ZMYM2: variants seen among roughly 807,000 people sequenced by gnomAD.
ZMYM2 encodes the protein zinc finger MYM-type protein 2.
ZMYM2 carries 56 observed loss-of-function variants against 162.8 expected under a neutral mutation model. That is an observed-to-expected ratio of 0.34 (90% CI 0.28 to 0.43). The LOEUF (loss-of-function observed/expected upper bound fraction) is 0.43. ZMYM2 is among the 20% of genes least tolerant of loss of function. ZMYM2 has a pLI of 1.00. For missense variants in ZMYM2, 1,275 were observed against 1,621.8 expected (o/e 0.79, Z 3.67); for synonymous variants, 510 against 541.6 (o/e 0.94, Z 0.81).
At chr13:19,873,853 C>T in the ZMYM2 span, among the ~76,000 whole-genome samples, 2 of 152,240 alleles carry the variant, frequency 1.3e-5, no homozygotes, top group East Asian at 1.9e-4. Context: ...TCACCCCATA[C>T]TCATCTGGGC....
chr13:20,004,268 T>TTTTG (rs1566271660), intron 4 of ZMYM2, among the ~76,000 whole-genome samples: 7 of 149,092 alleles, frequency 4.7e-5, no homozygotes, highest in Admixed American at 3.3e-4. Flanking sequence ...GTTTTGTTTT[T>TTTTG]TTTTGAGACG....
At chr13:20,051,319 C>A in intron 12 of ZMYM2, 114 bp from the exon 13 acceptor site, 168 of 592,012 alleles carry the variant, frequency 2.8e-4, no homozygotes, top group Middle Eastern at 8.4e-4. Context: ...TATTATAGTT[C>A]TACTTTTTCT....
Position 19,993,538 on chromosome 13 carries a change from T to C in ZMYM2, c.466T>C (p.Ser156Pro). 6.2e-7 allele frequency: 1 copy of C among 1,614,028 alleles called. No individual in the cohort carries two copies. Among genetic ancestry groups the C allele is most frequent in the Non-Finnish European group, 8.5e-7 (1 of 1,179,972 alleles). ...AAACAGAACCAATGATGTGGATTTC[T>C]CCACTTCCAGTTTTTCAAGAAGTAA... The part of the protein sequence containing the change: ...TKNRTNDVDF[S>P]TSSFSRSKVN... Residue 156 changes from serine (S) to proline (P), a missense_variant, in exon 3 of 25, where the codon TCC becomes CCC. Physicochemically the swap from Ser to Pro is moderately conservative, Grantham distance 74. Transcript: ENST00000610343.
In ZMYM2 at chr13:20,027,304, G is replaced by A; in HGVS notation, c.1837G>A (p.Val613Met). ...GTACAACTTTTGCAATTCCAGTTGTGTGGCTAAATTTCAGGTTTGTCGTTT... is the reference window on the plus strand; with the variant it reads ...GTACAACTTTTGCAATTCCAGTTGTATGGCTAAATTTCAGGTTTGTCGTTT... The part of the protein sequence containing the change: ...KLYNFCNSSC[V>M]AKFQALSMQS... Residue 613 changes from valine (V) to methionine (M), a missense_variant, in exon 9 of 25, where the codon GTG (valine) becomes ATG (methionine). Coordinates refer to ENST00000610343, the MANE Select transcript of ZMYM2 (RefSeq NM_197968.4). 1 of 1,568,042 alleles carries A rather than the reference G, an allele frequency of 6.4e-7. No individual in the cohort carries two copies. Among genetic ancestry groups the A allele is most frequent in the African/African-American group, 1.4e-5 (1 of 74,062 alleles).
At position 19,997,716 on chromosome 13, in the gene ZMYM2, A is replaced by C. The variant is rs150123622; in HGVS notation, c.847+3797A>C. ...TTTCTTTCTTATATGTAAAAATATA[A>C]AGAAAATAATGTTGTCTTACCGCTG... is the stretch of plus-strand genomic sequence containing the variant. On this transcript the variant is annotated intron_variant, in intron 3 of 24. Transcript: ENST00000610343. Among the ~76,000 whole-genome samples the C allele has an allele frequency of 1.4e-3, 212 of 152,284 alleles. 2 individuals carry two copies. The highest frequency in any genetic ancestry group is 4.7e-3 in the African/African-American group (197 of 41,570).
chr13:19,931,263 T>C, the ZMYM2 span, among the ~76,000 whole-genome samples: 1 of 152,154 alleles, frequency 6.6e-6, no homozygotes, highest in South Asian at 2.1e-4. Context: ...CCATTTTCTA[T>C]GGCGTTTATT....
At chr13:20,078,714 T>A (rs1957692939) in intron 21 of ZMYM2, among the ~76,000 whole-genome samples, 1 of 152,214 alleles carries the variant, frequency 6.6e-6, no homozygotes, top group Non-Finnish European at 1.5e-5. Context: ...GTTCTGAGTA[T>A]AAAATATATA....
intron 7 of ZMYM2, among the ~76,000 whole-genome samples, chr13:20,021,142 A>AT (rs982890919): frequency 1.3e-5 from 2 of 151,632 alleles, no homozygotes; most frequent in African/African-American, 4.8e-5. Context: ...TGCCCGGCTA[A>AT]TTTTTTGTAT....
chr13:20,046,687 ATATG>A (rs1250938042), intron 12 of ZMYM2, among the ~76,000 whole-genome samples: 4 of 150,382 alleles, frequency 2.7e-5, no homozygotes, highest in East Asian at 3.9e-4. Context: ...ATATATGTAT[ATATG>A]TGTGTGTGTG....
At chr13:19,917,162 C>G in the ZMYM2 span, among the ~76,000 whole-genome samples, 1 of 151,874 alleles carries the variant, frequency 6.6e-6, no homozygotes, top group Non-Finnish European at 1.5e-5. Flanking sequence ...CAGGGTTTCA[C>G]TGTGTTAGCC....
Position 20,067,022 on chromosome 13 carries a change from A to G in ZMYM2, c.3301+3A>G, listed in dbSNP as rs766833633. The stretch of plus-strand genomic sequence containing the variant: ...GGTATTAGATGAGTTAAAATCTTGT[A>G]AGTGTTTTAATTTTGTTTCTCCTAA... On this transcript the variant is annotated splice_donor_region_variant and intron_variant, in intron 20 of 24. Coordinates refer to ENST00000610343, the MANE Select transcript of ZMYM2 (RefSeq NM_197968.4). The G allele has an allele frequency of 6.3e-7, 1 of 1,591,242 alleles. No individual in the cohort carries two copies.
chr13:20,006,081 A>G (rs553125418), intron 5 of ZMYM2, among the ~76,000 whole-genome samples: 5 of 152,132 alleles, frequency 3.3e-5, no homozygotes, highest in African/African-American at 9.6e-5. Flanking sequence ...AAAAGAAAAA[A>G]CATTAGTTAG....
chr13:19,931,628 T>C, the ZMYM2 span, among the ~76,000 whole-genome samples: 3 of 152,200 alleles, frequency 2.0e-5, no homozygotes, highest in African/African-American at 4.8e-5. Context: ...AAGTTTTCTT[T>C]TTTGTTTTCT....
intron 6 of ZMYM2, among the ~76,000 whole-genome samples, chr13:20,018,742 A>G (rs1465732647): frequency 2.0e-5 from 3 of 152,164 alleles, no homozygotes; most frequent in African/African-American, 4.8e-5. Context: ...AAGGATATGT[A>G]TTCGTATTAT....
chr13:20,010,616 CTTTTTGT>C (rs1378803542), intron 6 of ZMYM2, among the ~76,000 whole-genome samples: 2 of 151,128 alleles, frequency 1.3e-5, no homozygotes, highest in African/African-American at 2.5e-5. Context: ...TCTTTTTTCT[CTTTTTGT>C]TTTTTGTTTG....
At chr13:20,021,687 C>T (rs551652442) in intron 7 of ZMYM2, among the ~76,000 whole-genome samples, 9 of 152,232 alleles carry the variant, frequency 5.9e-5, no homozygotes, top group Non-Finnish European at 1.2e-4. Flanking sequence ...ATACAGAGTA[C>T]TCCTGGCCAT....
the ZMYM2 span, among the ~76,000 whole-genome samples, chr13:19,928,747 T>A: frequency 6.6e-6 from 1 of 150,868 alleles, no homozygotes; most frequent in African/African-American, 2.4e-5. Flanking sequence ...CAGTGAGCTA[T>A]GATGAAGCCA....
intron 8 of ZMYM2, 64 bp downstream of exon 8, chr13:20,026,826 C>A (rs967390376): frequency 6.8e-7 from 1 of 1,479,174 alleles, no homozygotes; most frequent in Non-Finnish European, 9.0e-7. Flanking sequence ...TGCATAAATA[C>A]TCATTTGATG....
chr13:19,994,042 T>C (rs2139752607), intron 3 of ZMYM2, 123 bp downstream of exon 3: 2 of 1,163,024 alleles, frequency 1.7e-6, no homozygotes, highest in East Asian at 4.9e-5. Context: ...TGAATTATAT[T>C]GAATTTTATC....
Sources: gnomAD v4.1 joint callset for allele counts (sites outside exome capture counted in the v4.1 genomes callset) on GRCh38, gnomAD v4.1.1 for gene constraint, MANE v1.5 for transcripts, NCBI Gene and HGNC (gene_info 2026-07-23, HGNC 2026-07-21) for gene names.